SLC24A3: variants seen among roughly 807,000 people sequenced by gnomAD.
The protein encoded by SLC24A3 is solute carrier family 24 member 3, also known as sodium/potassium/calcium exchanger 3.
SLC24A3 carries 28 observed loss-of-function variants against 75.8 expected under a neutral mutation model. The ratio of observed to expected loss-of-function variants is 0.37; its 90% CI spans 0.27 to 0.51. The LOEUF is 0.51. SLC24A3 is among the 20% of genes least tolerant of loss of function. SLC24A3 has a pLI of 0.94. For synonymous variants in SLC24A3, 372 were observed against 334.1 expected, an observed-to-expected ratio of 1.11 and a Z score of -1.24; for missense variants, 663 against 847.8, an observed-to-expected ratio of 0.78 and a Z score of 2.71.
Position 19,468,481 on chromosome 20 carries a change from C to T in SLC24A3, c.272-47007C>T, listed in dbSNP as rs1987807713. Reference sequence around the variant, plus strand: ...GAGTATGGGTATAGAGACCAGGAGGCTGGGAGATTTGGTGGAGAAGGTGAA... The same window carrying T: ...GAGTATGGGTATAGAGACCAGGAGGTTGGGAGATTTGGTGGAGAAGGTGAA... On this transcript the variant is annotated intron_variant, in intron 2 of 16. Transcript: ENST00000328041. Among the ~76,000 whole-genome samples, 10 of 152,080 alleles carry T rather than the reference C, an allele frequency of 6.6e-5. 2 individuals are homozygous for T. The South Asian group carries it at 2.1e-3, about 32-fold the overall frequency.
At chr20:19,309,075 C>A (rs952477988) in intron 2 of SLC24A3, among the ~76,000 whole-genome samples, 1 of 152,202 alleles carries the variant, frequency 6.6e-6, no homozygotes, top group Non-Finnish European at 1.5e-5. Context: ...ACCAGGGCCT[C>A]CTTTTTTGTT....
intron 2 of SLC24A3, among the ~76,000 whole-genome samples, chr20:19,376,286 C>T (rs16980447): frequency 0.1 from 15,860 of 152,084 alleles, 2,726 homozygotes; most frequent in African/African-American, 0.36. Flanking sequence ...AGGTGCTAGG[C>T]GCCACATTCA....
At chr20:19,397,123 T>C (rs1181801767) in intron 2 of SLC24A3, among the ~76,000 whole-genome samples, 3 of 152,226 alleles carry the variant, frequency 2.0e-5, no homozygotes, top group Admixed American at 1.3e-4. Context: ...CCCCACTCAA[T>C]AGAATTCATT....
chr20:19,466,584 A>C (rs1372767300), intron 2 of SLC24A3, among the ~76,000 whole-genome samples: 1 of 152,208 alleles, frequency 6.6e-6, no homozygotes, highest in Non-Finnish European at 1.5e-5. Context: ...CAAATGTCAA[A>C]GCGTCCACCA....
At chr20:19,257,798 T>C (rs969129786) in intron 1 of SLC24A3, 2 of 152,220 alleles carry the variant, frequency 1.3e-5, no homozygotes, top group African/African-American at 4.8e-5. Context: ...GCTTGAGTCT[T>C]TCCTGTTTAC....
chr20:19,469,170 G>A (rs778408352), intron 2 of SLC24A3, among the ~76,000 whole-genome samples: 5 of 152,112 alleles, frequency 3.3e-5, no homozygotes, highest in Admixed American at 1.3e-4. Context: ...GCGGACGGAT[G>A]AGCAGAGACC....
intron 2 of SLC24A3, among the ~76,000 whole-genome samples, chr20:19,343,496 T>A (rs114599777): frequency 2.0e-3 from 303 of 152,242 alleles, no homozygotes; most frequent in African/African-American, 7.1e-3. Context: ...TCGTATCTCA[T>A]CATTACGGCA....
At chr20:19,620,511 A>C (rs1409367463) in intron 6 of SLC24A3, among the ~76,000 whole-genome samples, 2 of 152,218 alleles carry the variant, frequency 1.3e-5, no homozygotes, top group Non-Finnish European at 2.9e-5. Context: ...CAGCAGTTTG[A>C]CATTAAAGCT....
At chr20:19,517,326 G>A (rs1328284785) in intron 3 of SLC24A3, among the ~76,000 whole-genome samples, 1 of 152,200 alleles carries the variant, frequency 6.6e-6, no homozygotes, top group Non-Finnish European at 1.5e-5. Flanking sequence ...TCCTCCTGAA[G>A]AGATGTTGTC....
intron 1 of SLC24A3, among the ~76,000 whole-genome samples, chr20:19,268,523 T>A (rs1983231798): frequency 6.6e-6 from 1 of 152,220 alleles, no homozygotes; most frequent in Admixed American, 6.5e-5. Flanking sequence ...TCATGCTTTT[T>A]AATATCCAGA....
At chr20:19,477,267 G>A (rs1353225335) in intron 2 of SLC24A3, among the ~76,000 whole-genome samples, 1 of 152,190 alleles carries the variant, frequency 6.6e-6, no homozygotes, top group Non-Finnish European at 1.5e-5. Flanking sequence ...TTGGAAACTG[G>A]CTGGACCCTG....
intron 12 of SLC24A3, among the ~76,000 whole-genome samples, chr20:19,688,180 GGT>G (rs1317848331): frequency 6.6e-6 from 1 of 152,164 alleles, no homozygotes; most frequent in East Asian, 1.9e-4. Flanking sequence ...GGAGGTCTAG[GGT>G]GAGGCCCGAG....
chr20:19,642,581 G>T (rs569569149), intron 6 of SLC24A3, among the ~76,000 whole-genome samples: 1 of 152,286 alleles, frequency 6.6e-6, no homozygotes, highest in East Asian at 1.9e-4. Flanking sequence ...AGCCTTCTCT[G>T]CACAATATAA....
At chr20:19,554,506 T>C (rs2030751590) in intron 3 of SLC24A3, among the ~76,000 whole-genome samples, 1 of 152,196 alleles carries the variant, frequency 6.6e-6, no homozygotes, top group Non-Finnish European at 1.5e-5. Context: ...TTCCTGGGTA[T>C]AGGTTATTGA....
In SLC24A3 at chr20:19,590,451, G is replaced by A. The variant is rs573130811; in HGVS notation, c.612+4907G>A. Reference sequence around the variant, plus strand: ...GAAGCTGGGGACAGAGGACAGGGGAGGCCAAAAACCACACACCCATAGTGC... The same window carrying A: ...GAAGCTGGGGACAGAGGACAGGGGAAGCCAAAAACCACACACCCATAGTGC... On this transcript the variant is annotated intron_variant, in intron 6 of 16. Coordinates refer to ENST00000328041, the MANE Select transcript of SLC24A3 (RefSeq NM_020689.4). 2.0e-5 allele frequency among the ~76,000 whole-genome samples: 3 copies of A among 152,240 alleles called. No individual in the cohort carries two copies. In the East Asian group the frequency reaches 5.8e-4, roughly 30 times the overall value.
At chr20:19,285,429 GA>G (rs1387601863) in intron 2 of SLC24A3, among the ~76,000 whole-genome samples, 3 of 120,400 alleles carry the variant, frequency 2.5e-5, no homozygotes, top group African/African-American at 6.4e-5. Flanking sequence ...AGTGAGCTGA[GA>G]TCACTCCACT....
chr20:19,579,433 A>T (rs1458220408), intron 3 of SLC24A3, among the ~76,000 whole-genome samples: 1 of 152,212 alleles, frequency 6.6e-6, no homozygotes, highest in Non-Finnish European at 1.5e-5. Flanking sequence ...TTATTCCCTC[A>T]TTCCACATAC....
intron 5 of SLC24A3, 65 bp downstream of exon 5, chr20:19,585,120 G>T: frequency 7.0e-7 from 1 of 1,434,518 alleles, no homozygotes; most frequent in Non-Finnish European, 9.7e-7. Flanking sequence ...TCTGGGAATG[G>T]ATGGCCCCCA....
At chr20:19,676,321 T>G (rs771358664) in intron 9 of SLC24A3, among the ~76,000 whole-genome samples, 4 of 152,134 alleles carry the variant, frequency 2.6e-5, no homozygotes, top group Non-Finnish European at 5.9e-5. Flanking sequence ...GCTAATGAGG[T>G]GTGTTTCTGC....
Sources: allele counts gnomAD v4.1 joint callset (sites outside exome capture counted in the v4.1 genomes callset), GRCh38; gene constraint gnomAD v4.1.1; transcripts MANE v1.5; gene names NCBI Gene and HGNC (gene_info 2026-07-23, HGNC 2026-07-21).